The following MAMLD1 variants were observed in gnomAD, a reference collection of about 807,000 sequenced individuals.
MAMLD1 encodes the protein mastermind-like domain-containing protein 1.
A neutral mutation model predicts 45.0 loss-of-function variants in MAMLD1; 14 were observed. That is an observed-to-expected ratio of 0.31 (90% confidence interval 0.21 to 0.49). The LOEUF (loss-of-function observed/expected upper bound fraction) is 0.49, where lower values mean the gene tolerates loss of function less well. MAMLD1 is among the 20% of genes least tolerant of loss of function. The pLI is 0.99. For missense variants in MAMLD1, 543 were observed against 603.6 expected (o/e 0.90, Z 1.05); for synonymous variants, 254 against 247.8 (o/e 1.02, Z -0.24).
chrX:150,424,044 C>T (rs1189894714), intron 1 of MAMLD1, among the ~76,000 whole-genome samples: 1 of 112,556 alleles, frequency 8.9e-6, no homozygotes, highest in Non-Finnish European at 1.9e-5. Context: ...GATAGTCTTG[C>T]TCTGCCTTCG....
chrX:150,423,387 T>TGTGTGTGTGTGC (rs782748216), intron 1 of MAMLD1, among the ~76,000 whole-genome samples: 1 of 103,694 alleles, frequency 9.6e-6, no homozygotes, highest in Non-Finnish European at 2.0e-5. Flanking sequence ...TGTGTGTGTT[T>TGTGTGTGTGTGC]GCACCTTTGG....
At chrX:150,376,557 A>G in intron 1 of MAMLD1, among the ~76,000 whole-genome samples, 1 of 110,701 alleles carries the variant, frequency 9.0e-6, no homozygotes, top group Non-Finnish European at 1.9e-5. Flanking sequence ...ATCTTACAGA[A>G]GAAGCCTCCA....
At chrX:150,463,292 A>G (rs1342974271) in intron 3 of MAMLD1, among the ~76,000 whole-genome samples, 1 of 111,767 alleles carries the variant, frequency 8.9e-6, no homozygotes, top group Non-Finnish European at 1.9e-5. Context: ...CACTAATGAC[A>G]GAACCTGGGA....
intron 1 of MAMLD1, among the ~76,000 whole-genome samples, chrX:150,409,979 A>G (rs2034085671): frequency 8.9e-6 from 1 of 112,518 alleles, no homozygotes; most frequent in African/African-American, 3.2e-5. Flanking sequence ...GCTGTCAGAA[A>G]TTGAGCAGGA....
At chrX:150,403,940 A>AAAGAAAGAAAG (rs1557402564) in intron 1 of MAMLD1, among the ~76,000 whole-genome samples, 1 of 58,882 alleles carries the variant, frequency 1.7e-5, no homozygotes, top group Non-Finnish European at 3.2e-5. Flanking sequence ...AGAAAGAAAG[A>AAAGAAAGAAAG]AAAGAAAGAA....
chrX:150,389,692 C>T (rs2033092307), intron 1 of MAMLD1, among the ~76,000 whole-genome samples: 1 of 112,131 alleles, frequency 8.9e-6, no homozygotes, highest in African/African-American at 3.2e-5. Flanking sequence ...TTTGCAGATT[C>T]TGTCTAGCAG....
Position 150,494,145 on chromosome X carries a change from C to T in MAMLD1, c.2041-9129C>T, listed in dbSNP as rs782548901. On this transcript the variant is annotated intron_variant, in intron 5 of 7. Transcript: ENST00000370401. ...GCACGGTGGCTCAAGCCTGTAATCC[C>T]AGCACTTTGGGAGGCCAAGGAGGGC... 2.7e-5 allele frequency among the ~76,000 whole-genome samples: 3 copies of T among 111,827 alleles called. No homozygotes were observed. In the East Asian group the frequency reaches 8.5e-4, roughly 32 times the overall value.
At chrX:150,502,324 G>A (rs1276694475) in intron 5 of MAMLD1, among the ~76,000 whole-genome samples, 2 of 111,917 alleles carry the variant, frequency 1.8e-5, no homozygotes, top group East Asian at 2.8e-4. Context: ...TCACAGCTCA[G>A]GTATTAAAAG....
chrX:150,486,687 C>T (rs1177816571), intron 5 of MAMLD1, among the ~76,000 whole-genome samples: 1 of 111,980 alleles, frequency 8.9e-6, no homozygotes, highest in Non-Finnish European at 1.9e-5. Flanking sequence ...ATCCGGAAAC[C>T]CTAGGTGATG....
chrX:150,441,080 TTG>T lies in MAMLD1; in HGVS notation c.-63-4372_-63-4371del, dbSNP rs781943570. ...ATATTATGTTTATTGATACAAATATTTGTACATCTTCATGCGGTACATATGAT... is the reference window on the plus strand; with the variant it reads ...ATATTATGTTTATTGATACAAATATTTACATCTTCATGCGGTACATATGAT... On this transcript the variant is annotated intron_variant, in intron 1 of 7. Transcript: ENST00000370401. Among the ~76,000 whole-genome samples, 603 of 106,086 alleles carry T rather than the reference TTG, an allele frequency of 5.7e-3. 5 individuals are homozygous for T. Among genetic ancestry groups the T allele is most frequent in the Non-Finnish European group, 9.9e-3 (513 of 51,883 alleles). The allele number at this position is 106,086 out of a possible 115,157, so 92.1% of individuals were successfully genotyped here. A position where few individuals can be genotyped will look rare whatever the true frequency, so the allele number is the denominator to read the frequency against.
chrX:150,512,864 C>G lies in MAMLD1; in HGVS notation c.*905C>G, dbSNP rs2037943897. On this transcript the variant is annotated 3_prime_UTR_variant, in exon 8 of 8. Coordinates refer to ENST00000370401, the MANE Select transcript of MAMLD1 (RefSeq NM_005491.5). Reference sequence around the variant, plus strand: ...ACCTGCCGACTTTTTGCGCCAGCCCCAACCCCCACTAAATGATCTGATTTC... The same window carrying G: ...ACCTGCCGACTTTTTGCGCCAGCCCGAACCCCCACTAAATGATCTGATTTC... 1 of 1,155,863 alleles carries G rather than the reference C, an allele frequency of 8.7e-7. No individual in the cohort carries two copies.
At chrX:150,382,885 A>ATTTTTTATTTTT (rs2032699997) in intron 1 of MAMLD1, among the ~76,000 whole-genome samples, 1 of 41,191 alleles carries the variant, frequency 2.4e-5, no homozygotes, top group Non-Finnish European at 3.8e-5. Context: ...ATTTTATTTT[A>ATTTTTTATTTTT]TTTTTTTTTT....
chrX:150,499,964 C>T (rs988858487), intron 5 of MAMLD1, among the ~76,000 whole-genome samples: 2 of 112,150 alleles, frequency 1.8e-5, no homozygotes, highest in African/African-American at 6.5e-5. Flanking sequence ...TAGCACAATG[C>T]TCACCAGATT....
intron 1 of MAMLD1, among the ~76,000 whole-genome samples, chrX:150,431,922 T>C (rs782816188): frequency 1.8e-5 from 2 of 111,911 alleles, no homozygotes; most frequent in South Asian, 7.4e-4. Flanking sequence ...TTATATTCCC[T>C]TGGGTATATA....
intron 5 of MAMLD1, among the ~76,000 whole-genome samples, chrX:150,497,523 G>C (rs1229784554): frequency 2.7e-5 from 3 of 109,512 alleles, no homozygotes; most frequent in Non-Finnish European, 5.7e-5. Flanking sequence ...GTCTTCAGGT[G>C]ATCCACCCAC....
intron 4 of MAMLD1, among the ~76,000 whole-genome samples, chrX:150,471,767 G>A (rs891057036): frequency 8.9e-6 from 1 of 112,240 alleles, no homozygotes; most frequent in Non-Finnish European, 1.9e-5. Context: ...AAGGAGCCAG[G>A]TGGGACAAGT....
intron 6 of MAMLD1, among the ~76,000 whole-genome samples, chrX:150,506,952 G>C (rs1008378835): frequency 3.6e-5 from 4 of 112,562 alleles, no homozygotes; most frequent in African/African-American, 1.3e-4. Context: ...TCTTGGCTGA[G>C]ACTGTCTGTG....
intron 5 of MAMLD1, among the ~76,000 whole-genome samples, chrX:150,483,109 C>T (rs782430378): frequency 1.3e-4 from 15 of 112,316 alleles, no homozygotes; most frequent in African/African-American, 4.9e-4. Flanking sequence ...AAAAAGGTTA[C>T]GGTTCTCAAC....
intron 6 of MAMLD1, 172 bp from the exon 7 acceptor site, chrX:150,509,790 A>C: frequency 2.1e-6 from 1 of 469,761 alleles, no homozygotes. Flanking sequence ...CTTTATTTAT[A>C]CCTGTGGAAT....
Sources: gnomAD v4.1 joint callset for allele counts (sites outside exome capture counted in the v4.1 genomes callset) on GRCh38, gnomAD v4.1.1 for gene constraint, MANE v1.5 for transcripts, NCBI Gene and HGNC (gene_info 2026-07-23, HGNC 2026-07-21) for gene names.